CPXM2: variants seen among roughly 807,000 people sequenced by gnomAD.
CPXM2 encodes the protein carboxypeptidase X, M14 family member 2.
Under a neutral mutation model 86.1 loss-of-function variants are expected in CPXM2, and 66 were observed. The observed-to-expected ratio is 0.77, with a 90% CI of 0.63 to 0.94. CPXM2 has a LOEUF of 0.94. Among genes scored for constraint, CPXM2 ranks in the 40% least tolerant of loss-of-function variants. CPXM2 has a pLI of 0.00. For missense variants in CPXM2, 948 were observed against 1,026.3 expected, an observed-to-expected ratio of 0.92 and a Z score of 1.04; for synonymous variants, 388 against 400.2, an observed-to-expected ratio of 0.97 and a Z score of 0.36.
intron 2 of CPXM2, among the ~76,000 whole-genome samples, chr10:123,879,620 AG>A (rs1341090336): frequency 1.3e-5 from 2 of 152,230 alleles, no homozygotes; most frequent in African/African-American, 4.8e-5. Context: ...TGGTTACCAC[AG>A]TTTAGATAAT....
rs377424380 is a variant in CPXM2, at chr10:123,762,099, T to G, written c.1550A>C (p.Gln517Pro). Reference sequence around the variant, plus strand: ...GTACGCCACCACCAGCTCGCCGCCCTGCAGGTTGCCGCCCAGCACAAAAGG... The same window carrying G: ...GTACGCCACCACCAGCTCGCCGCCCGGCAGGTTGCCGCCCAGCACAAAAGG... Reference protein sequence around the residue: ...KIPFVLGGNLQGGELVVAYPY... With the variant: ...KIPFVLGGNLPGGELVVAYPY... Residue 517 changes from glutamine (Q) to proline (P), a missense_variant, in exon 11 of 14, where the codon CAG becomes CCG. Transcript: ENST00000241305. 6.2e-7 allele frequency: 1 copy of G among 1,614,032 alleles called. No individual in the cohort carries two copies. The highest frequency in any genetic ancestry group is 8.5e-7 in the Non-Finnish European group (1 of 1,180,024).
At position 123,757,674 on chromosome 10, in the gene CPXM2, T is replaced by C. The variant is rs141209508; in HGVS notation, c.1778-322A>G. ...AGTAAAAAAGTTTAATGCTCCTTTT[T>C]GGAGTAAAGCTATCATTCATGAACA... On this transcript the variant is annotated intron_variant, in intron 11 of 13. Coordinates refer to ENST00000241305, the MANE Select transcript of CPXM2 (RefSeq NM_198148.3). Among the ~76,000 whole-genome samples, 518 of 152,374 alleles carry C rather than the reference T, an allele frequency of 3.4e-3. 5 individuals are homozygous for C. The highest frequency in any genetic ancestry group is 0.012 in the African/African-American group (500 of 41,592).
At chr10:123,840,390 CTGT>C (rs1374815085) in intron 4 of CPXM2, among the ~76,000 whole-genome samples, 2 of 152,178 alleles carry the variant, frequency 1.3e-5, no homozygotes, top group African/African-American at 4.8e-5. Flanking sequence ...GCATAATCAA[CTGT>C]TGTCAAAATG....
chr10:123,890,033 C>T (rs28627761), intron 1 of CPXM2, among the ~76,000 whole-genome samples: 34,853 of 152,112 alleles, frequency 0.23, 4,317 homozygotes, highest in Non-Finnish European at 0.26. Flanking sequence ...CAGCAAGTGA[C>T]GCTGAGCAAG....
Position 123,891,414 on chromosome 10 carries a change from G to T in CPXM2, c.246C>A (p.Ala82=). The change falls in exon 1 of 14, where the codon GCC becomes GCA. Residue 82 remains alanine, a synonymous_variant. Coordinates refer to ENST00000241305, the MANE Select transcript of CPXM2 (RefSeq NM_198148.3). This position sits in a 1 kb window ranked among gnomAD's most constrained non-coding sequence, Gnocchi z 5.6. ...TCTTGGGAGCTTTCTTGGGCTTGGT[G>T]GCCCTCTTGGGCGGCCTGGGCTCCT... ...RPQEPRPPKR[A]TKPKKAPKRE... The T allele has an allele frequency of 1.3e-6, 2 of 1,561,936 alleles. No homozygotes were observed. Among genetic ancestry groups the T allele is most frequent in the South Asian group, 2.4e-5 (2 of 84,932 alleles).
intron 2 of CPXM2, among the ~76,000 whole-genome samples, chr10:123,875,243 T>C (rs1386290441): frequency 6.6e-6 from 1 of 152,200 alleles, no homozygotes; most frequent in Non-Finnish European, 1.5e-5. Flanking sequence ...AGAATAACTT[T>C]TTAGGCATGT....
intron 2 of CPXM2, among the ~76,000 whole-genome samples, chr10:123,933,043 C>T (rs1945681148): frequency 6.6e-6 from 1 of 152,200 alleles, no homozygotes; most frequent in Admixed American, 6.5e-5. Flanking sequence ...CACCCTGGTA[C>T]AGTGATTGTG....
intron 4 of CPXM2, among the ~76,000 whole-genome samples, chr10:123,836,988 C>T (rs1263894667): frequency 6.6e-6 from 1 of 152,248 alleles, no homozygotes; most frequent in East Asian, 1.9e-4. Context: ...CCACCCCCCA[C>T]TAACTTTCCC....
chr10:123,934,364 C>T (rs891703904), intron 2 of CPXM2, among the ~76,000 whole-genome samples: 3 of 151,996 alleles, frequency 2.0e-5, no homozygotes, highest in African/African-American at 4.8e-5. Flanking sequence ...TCCCAGGCTC[C>T]GCTGGCTCCT....
At chr10:123,747,921 C>CAAAA (rs59206856) in intron 13 of CPXM2, among the ~76,000 whole-genome samples, 1 of 72,024 alleles carries the variant, frequency 1.4e-5, no homozygotes, top group Non-Finnish European at 2.7e-5. Flanking sequence ...GACTCTGTCT[C>CAAAA]AAAAAAAAAA....
chr10:123,895,818 C>G (rs2134256295), upstream of CPXM2, among the ~76,000 whole-genome samples: 1 of 152,276 alleles, frequency 6.6e-6, no homozygotes, highest in African/African-American at 2.4e-5. Context: ...TTCAGAATCC[C>G]CCCCAGTTTC....
At chr10:123,928,693 C>G (rs768803813) in intron 2 of CPXM2, among the ~76,000 whole-genome samples, 3 of 152,210 alleles carry the variant, frequency 2.0e-5, no homozygotes, top group Non-Finnish European at 4.4e-5. Context: ...CGCTAACAGC[C>G]CTGGCTGAGA....
chr10:123,914,322 C>T (rs1434833620), intron 2 of CPXM2, among the ~76,000 whole-genome samples: 3 of 152,210 alleles, frequency 2.0e-5, no homozygotes, highest in Non-Finnish European at 4.4e-5. Flanking sequence ...GCCTCGTCTT[C>T]CTTCTCTGAG....
chr10:123,889,480 G>A (rs1488224472), intron 1 of CPXM2, among the ~76,000 whole-genome samples: 1 of 151,976 alleles, frequency 6.6e-6, no homozygotes, highest in Non-Finnish European at 1.5e-5. Context: ...GGGGGCTGGG[G>A]GGCAGGGAAG....
chr10:123,870,775 G>A (rs1232358433), intron 2 of CPXM2, among the ~76,000 whole-genome samples: 1 of 152,068 alleles, frequency 6.6e-6, no homozygotes, highest in Non-Finnish European at 1.5e-5. Context: ...CACCCCAACT[G>A]AGCATCACAA....
At chr10:123,836,296 C>G (rs1422906615) in intron 4 of CPXM2, among the ~76,000 whole-genome samples, 1 of 152,062 alleles carries the variant, frequency 6.6e-6, no homozygotes, top group Non-Finnish European at 1.5e-5. Flanking sequence ...TCTTCCCCTG[C>G]CAATCCTCCA....
chr10:123,811,103 C>T (rs1278896531), intron 4 of CPXM2, among the ~76,000 whole-genome samples: 1 of 151,260 alleles, frequency 6.6e-6, no homozygotes, highest in Admixed American at 6.6e-5. Flanking sequence ...TAAAACTGGA[C>T]CCTATACCTA....
chr10:123,942,607 G>C (rs1219352833), upstream of CPXM2, among the ~76,000 whole-genome samples: 3 of 152,222 alleles, frequency 2.0e-5, no homozygotes, highest in Non-Finnish European at 4.4e-5. Flanking sequence ...GGAACCCTCA[G>C]TTCCAGAAAA....
intron 4 of CPXM2, among the ~76,000 whole-genome samples, chr10:123,808,100 C>CA (rs1353029240): frequency 8.6e-5 from 13 of 151,630 alleles, no homozygotes; most frequent in Admixed American, 5.9e-4. Context: ...CCCTCCAATC[C>CA]AGCCTTCCTT....
Sources: gnomAD v4.1 joint callset for allele counts (sites outside exome capture counted in the v4.1 genomes callset) on GRCh38, gnomAD v4.1.1 for gene constraint, Gnocchi (gnomAD v3.1) non-coding constraint, MANE v1.5 for transcripts, NCBI Gene and HGNC (gene_info 2026-07-23, HGNC 2026-07-21) for gene names.